Variants in EPB41L5 observed in about 807,000 individuals in gnomAD.
The protein encoded by EPB41L5 is erythrocyte membrane protein band 4.1 like 5.
EPB41L5 carries 55 observed loss-of-function variants against 106.6 expected under a neutral mutation model. The observed-to-expected ratio is 0.52, with a 90% CI of 0.42 to 0.65. The LOEUF (loss-of-function observed/expected upper bound fraction) is 0.65, where lower values mean the gene tolerates loss of function less well. EPB41L5 is among the 30% of genes least tolerant of loss of function. EPB41L5 has a pLI of 0.00. For missense variants in EPB41L5, 871 were observed against 882.1 expected, an observed-to-expected ratio of 0.99 and a Z score of 0.16; for synonymous variants, 297 against 306.7, an observed-to-expected ratio of 0.97 and a Z score of 0.33.
At chr2:120,037,312 C>T (rs1274230420) in intron 2 of EPB41L5, among the ~76,000 whole-genome samples, 1 of 152,090 alleles carries the variant, frequency 6.6e-6, no homozygotes, top group Non-Finnish European at 1.5e-5. Flanking sequence ...GAGACTTAAT[C>T]TTGTTAAGAA....
intron 16 of EPB41L5, among the ~76,000 whole-genome samples, chr2:120,123,278 C>T (rs894289638): frequency 2.0e-5 from 3 of 152,172 alleles, no homozygotes; most frequent in African/African-American, 7.2e-5. Flanking sequence ...ACCGCCTCCT[C>T]ACATGAGGTG....
Position 120,019,195 on chromosome 2 carries a change from A to C in EPB41L5, c.111A>C (p.Gly37=). ...CCGCCACACATATTCCTGCAGCTGG[A>C]GATTCTAAGTCCATCATCACGTGTC... is the stretch of plus-strand genomic sequence containing the variant. ...QRAATHIPAA[G]DSKSIITCRV... Residue 37 remains glycine, a synonymous_variant, in exon 2 of 25, where the codon GGA becomes GGC. Transcript: ENST00000263713. The C allele has an allele frequency of 6.2e-7, 1 of 1,613,664 alleles. No individual in the cohort carries two copies. The highest frequency in any genetic ancestry group is 1.6e-4 in the Middle Eastern group (1 of 6,062).
At chr2:120,021,039 T>C (rs1010277867) in intron 2 of EPB41L5, among the ~76,000 whole-genome samples, 2 of 152,150 alleles carry the variant, frequency 1.3e-5, no homozygotes, top group Non-Finnish European at 2.9e-5. Flanking sequence ...TTGGACTTTT[T>C]GTGAAACAAG....
chr2:120,090,790 C>G (rs761912616), intron 12 of EPB41L5, among the ~76,000 whole-genome samples: 4 of 152,112 alleles, frequency 2.6e-5, no homozygotes, highest in Non-Finnish European at 4.4e-5. Flanking sequence ...ATCTATTTAA[C>G]AAGAGTTTTA....
chr2:120,098,673 A>G (rs1250733599), intron 14 of EPB41L5, among the ~76,000 whole-genome samples: 1 of 152,238 alleles, frequency 6.6e-6, no homozygotes, highest in African/African-American at 2.4e-5. Flanking sequence ...GAACCCAGAC[A>G]GTGATAGTGC....
rs547723036 is a variant in EPB41L5 at position 120,111,247 on chromosome 2, G to A, written c.1337+10433G>A. Among the ~76,000 whole-genome samples, 6 of 152,282 alleles carry A rather than the reference G, an allele frequency of 3.9e-5. No homozygotes were observed. In the South Asian group the frequency reaches 8.3e-4, roughly 21 times the overall value. ...TTTCACATGATTAGTTTGAGGCCAC[G>A]GATTTGGGAGAAAATACTGCAGAAG... On this transcript the variant is annotated intron_variant, in intron 16 of 24. Coordinates refer to ENST00000263713, the MANE Select transcript of EPB41L5 (RefSeq NM_020909.4).
chr2:120,150,841 C>T (rs1219065186), intron 20 of EPB41L5, among the ~76,000 whole-genome samples: 4 of 152,216 alleles, frequency 2.6e-5, no homozygotes, highest in Middle Eastern at 3.4e-3. Context: ...AGTGATCAGC[C>T]TTTTGATGCA....
At chr2:120,093,629 A>G (rs1285238354) in intron 14 of EPB41L5, among the ~76,000 whole-genome samples, 1 of 152,242 alleles carries the variant, frequency 6.6e-6, no homozygotes, top group Non-Finnish European at 1.5e-5. Context: ...TTCCTGGGAT[A>G]AATCCCACTT....
At chr2:120,165,010 T>G in intron 22 of EPB41L5, 100 bp downstream of exon 22, 1 of 850,616 alleles carries the variant, frequency 1.2e-6, no homozygotes, top group South Asian at 1.7e-5. Flanking sequence ...TCAGTTAAAC[T>G]TTTCATTTGA....
At chr2:120,122,770 A>C (rs1455786156) in intron 16 of EPB41L5, among the ~76,000 whole-genome samples, 1 of 152,164 alleles carries the variant, frequency 6.6e-6, no homozygotes, top group Non-Finnish European at 1.5e-5. Flanking sequence ...CTTGGGCAGT[A>C]TGGCCATTTT....
intron 21 of EPB41L5, among the ~76,000 whole-genome samples, chr2:120,162,833 G>A (rs1687193204): frequency 6.6e-6 from 1 of 152,192 alleles, no homozygotes; most frequent in Non-Finnish European, 1.5e-5. Context: ...CTTAGTCCAG[G>A]CAGCAGGGTG....
At chr2:120,156,751 A>G (rs1686919974) in intron 20 of EPB41L5, among the ~76,000 whole-genome samples, 1 of 152,206 alleles carries the variant, frequency 6.6e-6, no homozygotes, top group Non-Finnish European at 1.5e-5. Context: ...TATCCTAAAT[A>G]TATATGCACC....
rs772312125 is a variant in EPB41L5, at chr2:120,167,862, G to T, written c.2005-15G>T. ...ATTGTTACCCTGTATTTAGTTGTGT[G>T]TGTATCTCCCACAGCAGAGTGGTGC... On this transcript the variant is annotated splice_polypyrimidine_tract_variant and intron_variant, in intron 23 of 24. Transcript: ENST00000263713. 5.2e-5 allele frequency: 84 copies of T among 1,613,994 alleles called. No individual in the cohort carries two copies. Among genetic ancestry groups the T allele is most frequent in the Non-Finnish European group, 6.9e-5 (81 of 1,179,966 alleles).
intron 18 of EPB41L5, 86 bp downstream of exon 18, chr2:120,131,801 T>C (rs948558288): frequency 7.0e-6 from 7 of 999,378 alleles, no homozygotes; most frequent in African/African-American, 6.5e-5. Flanking sequence ...ACTTTCTTTT[T>C]TCTTTAGCTG....
intron 3 of EPB41L5, among the ~76,000 whole-genome samples, chr2:120,051,299 C>G (rs979324410): frequency 1.3e-5 from 2 of 152,162 alleles, no homozygotes; most frequent in Non-Finnish European, 1.5e-5. Context: ...GCGGTGGGCT[C>G]CACCCAGTTC....
intron 22 of EPB41L5, among the ~76,000 whole-genome samples, chr2:120,167,204 T>C (rs1194151656): frequency 6.6e-6 from 1 of 152,218 alleles, no homozygotes; most frequent in East Asian, 1.9e-4. Context: ...CTGAAAGTAG[T>C]AATAGATTCT....
chr2:120,095,304 A>G (rs1167879082), intron 14 of EPB41L5, among the ~76,000 whole-genome samples: 1 of 152,144 alleles, frequency 6.6e-6, no homozygotes, highest in Non-Finnish European at 1.5e-5. Context: ...TGATGTAAAT[A>G]TTGCCAGTCC....
In EPB41L5 at chr2:120,079,934, C is replaced by A. The variant is rs149492802; in HGVS notation, c.803+1353C>A. ...ATGGTTTCCTTTTTCTTTGTCCTCC[C>A]TGCCCCCGCTAACTGCCTAAGTAAA... On this transcript the variant is annotated intron_variant, in intron 10 of 24. Transcript: ENST00000263713. 1.4e-4 allele frequency among the ~76,000 whole-genome samples: 21 copies of A among 152,210 alleles called. No homozygotes were observed. In the East Asian group the frequency reaches 4.0e-3, roughly 29 times the overall value.
chr2:120,082,833 G>A (rs1682774162), intron 10 of EPB41L5, among the ~76,000 whole-genome samples: 1 of 152,078 alleles, frequency 6.6e-6, no homozygotes, highest in Non-Finnish European at 1.5e-5. Context: ...TTTAGTCTTG[G>A]GAGGGTGTAT....
Sources: allele counts gnomAD v4.1 joint callset (sites outside exome capture counted in the v4.1 genomes callset), GRCh38; gene constraint gnomAD v4.1.1; transcripts MANE v1.5; gene names NCBI Gene and HGNC (gene_info 2026-07-23, HGNC 2026-07-21).